The following INTU variants were observed in gnomAD, a reference collection of about 807,000 sequenced individuals.
INTU encodes inturned planar cell polarity protein, also known as protein inturned.
A neutral mutation model predicts 100.5 loss-of-function variants in INTU; 68 were observed. The observed-to-expected ratio is 0.68, with a 90% CI of 0.56 to 0.83. INTU has a LOEUF of 0.83. INTU is among the 40% of genes least tolerant of loss of function. The pLI is 0.00. For synonymous variants in INTU, 357 were observed against 395.7 expected (o/e 0.90, Z 1.16); for missense variants, 1,071 against 1,114.7 (o/e 0.96, Z 0.56).
At chr4:127,673,535 G>A (rs4315798) in intron 5 of INTU, among the ~76,000 whole-genome samples, 1,804 of 151,362 alleles carry the variant, frequency 0.012, 16 homozygotes, top group South Asian at 0.037. Flanking sequence ...CTTAATGTTA[G>A]CAAGAGAATT....
intron 3 of INTU, among the ~76,000 whole-genome samples, chr4:127,657,801 A>G (rs1456715685): frequency 1.3e-5 from 2 of 152,002 alleles, no homozygotes; most frequent in Non-Finnish European, 2.9e-5. Flanking sequence ...CACTGATTCT[A>G]CATTATGGTG....
chr4:127,707,902 G>A (rs903284456), intron 12 of INTU, among the ~76,000 whole-genome samples: 20 of 152,212 alleles, frequency 1.3e-4, no homozygotes, highest in Middle Eastern at 3.4e-3. Flanking sequence ...TGTCATTTGG[G>A]TGGATGGAGG....
At position 127,721,771 on chromosome 4, in the gene INTU, C is replaced by G. The variant is rs1390182237; in HGVS notation, c.*5335C>G. On this transcript the variant is annotated 3_prime_UTR_variant, in exon 16 of 16. Transcript: ENST00000335251. ...CACTTAGTCTATTTGGCTATGGATA[C>G]TTGTGTTTCCATTATAAAGTTCTCA... 6.6e-6 allele frequency: 1 copy of G among 152,130 alleles called. No individual in the cohort carries two copies. Among genetic ancestry groups the G allele is most frequent in the Non-Finnish European group, 1.5e-5 (1 of 68,032 alleles). The allele number at this position is 152,130 out of a possible 1,614,324, so 9.4% of individuals were successfully genotyped here. A position where few individuals can be genotyped will look rare whatever the true frequency, so the allele number is the denominator to read the frequency against.
At chr4:127,676,781 C>T (rs1039994885) in intron 6 of INTU, among the ~76,000 whole-genome samples, 2 of 152,100 alleles carry the variant, frequency 1.3e-5, no homozygotes, top group Non-Finnish European at 1.5e-5. Flanking sequence ...ATGCCTGAGC[C>T]GAAGCAGGGA....
At position 127,663,538 on chromosome 4, in the gene INTU, T is replaced by C. The variant is rs1560843852; in HGVS notation, c.926T>C (p.Ile309Thr). 1 of 1,613,408 alleles carries C rather than the reference T, an allele frequency of 6.2e-7. No individual in the cohort carries two copies. Among genetic ancestry groups the C allele is most frequent in the South Asian group, 1.1e-5 (1 of 91,046 alleles). ...QQSGLNTPHI[I>T]MYLTLQLDSE... The stretch of plus-strand genomic sequence containing the variant: ...AGTGGCCTAAACACTCCTCATATCA[T>C]TATGTATCTCACACTACAGCTCGAC... The change falls in exon 4 of 16, where the codon ATT becomes ACT. Residue 309 changes from isoleucine (I) to threonine (T), a missense_variant. Coordinates refer to ENST00000335251, the MANE Select transcript of INTU (RefSeq NM_015693.4).
chr4:127,669,183 G>GT (rs754467084), intron 5 of INTU, 29 bp downstream of exon 5: 106 of 1,082,844 alleles, frequency 9.8e-5, no homozygotes, highest in Non-Finnish European at 1.3e-4. Context: ...CTTTAATTCT[G>GT]TTTTTTTCAA....
At chr4:127,643,460 T>G in intron 1 of INTU, 61 bp from the exon 2 acceptor site, 1 of 1,397,672 alleles carries the variant, frequency 7.2e-7, no homozygotes, top group Non-Finnish European at 9.7e-7. Flanking sequence ...CATGCCAGGA[T>G]GACATACCTT....
chr4:127,653,696 C>G (rs1271633100), intron 2 of INTU, among the ~76,000 whole-genome samples: 1 of 149,792 alleles, frequency 6.7e-6, no homozygotes, highest in Non-Finnish European at 1.5e-5. Flanking sequence ...AATGTATATT[C>G]TGTTGATTTG....
chr4:127,636,676 G>C (rs1727089200), intron 1 of INTU, among the ~76,000 whole-genome samples: 1 of 150,046 alleles, frequency 6.7e-6, no homozygotes, highest in African/African-American at 2.4e-5. Flanking sequence ...GCTGGTCTGT[G>C]ATTTTTGTTC....
chr4:127,644,924 G>A (rs1389093863), intron 2 of INTU, among the ~76,000 whole-genome samples: 2 of 152,080 alleles, frequency 1.3e-5, no homozygotes, highest in Admixed American at 1.3e-4. Flanking sequence ...TGTTTTTTTA[G>A]CATCTGCTAA....
At chr4:127,691,406 A>G (rs147895450) in intron 8 of INTU, among the ~76,000 whole-genome samples, 4 of 152,216 alleles carry the variant, frequency 2.6e-5, no homozygotes, top group African/African-American at 9.6e-5. Context: ...CTGTTGTTCC[A>G]TATCCTTGTC....
At position 127,726,055 on chromosome 4, in the gene INTU, A is replaced by T. The variant is rs1285303446; in HGVS notation, c.*9619A>T. The T allele has an allele frequency of 6.6e-6, 1 of 152,188 alleles. No individual in the cohort carries two copies. Among genetic ancestry groups the T allele is most frequent in the Non-Finnish European group, 1.5e-5 (1 of 68,022 alleles). 9.4% of individuals were successfully genotyped at this position (152,188 alleles called of 1,614,324 possible). A position where few individuals can be genotyped will look rare whatever the true frequency, so the allele number is the denominator to read the frequency against. Reference sequence around the variant, plus strand: ...TTCCACCAACAACTATTAATGTGAAAAACTATATATAGCTAGCATTTTTTA... The same window carrying T: ...TTCCACCAACAACTATTAATGTGAATAACTATATATAGCTAGCATTTTTTA... On this transcript the variant is annotated 3_prime_UTR_variant, in exon 16 of 16. Coordinates refer to ENST00000335251, the MANE Select transcript of INTU (RefSeq NM_015693.4).
rs914532382 is a variant in INTU, at chr4:127,706,875, A to T, written c.2177A>T (p.Asp726Val). ...AATGGTTGTGAAGGTGGAGAAGATG[A>T]TGGCTTTAGCCCCCATACTACACCG... ...SDNGCEGGEDDGFSPHTTPDA... is the reference protein window; with the variant it reads ...SDNGCEGGEDVGFSPHTTPDA... Residue 726 changes from aspartate to valine, a missense_variant, in exon 12 of 16, where the codon GAT becomes GTT. Asp to Val is a radical substitution (Grantham distance 152, BLOSUM62 -3). Transcript: ENST00000335251. The T allele has an allele frequency of 1.9e-6, 3 of 1,614,048 alleles. No individual in the cohort carries two copies. Among genetic ancestry groups the T allele is most frequent in the Non-Finnish European group, 2.5e-6 (3 of 1,179,960 alleles).
In INTU at chr4:127,633,074, G is replaced by C; in HGVS notation, c.40G>C (p.Asp14His). The change falls in exon 1 of 16, where the codon GAC becomes CAC. Residue 14 changes from aspartate to histidine, a missense_variant. By Grantham distance (81) the Asp-to-His change is moderately conservative. Coordinates refer to ENST00000335251, the MANE Select transcript of INTU (RefSeq NM_015693.4). ...TTCGTGCGATTCGCGTCCGAGCTCA[G>C]ACGAGCTCCCTGGAGACCCCTCTTC... ...VASCDSRPSSDELPGDPSSQE... is the reference protein window; with the variant it reads ...VASCDSRPSSHELPGDPSSQE... 1 of 1,613,980 alleles carries C rather than the reference G, an allele frequency of 6.2e-7. No homozygotes were observed. The highest frequency in any genetic ancestry group is 2.2e-5 in the East Asian group (1 of 44,876).
intron 1 of INTU, among the ~76,000 whole-genome samples, chr4:127,634,170 A>G (rs1445680337): frequency 1.3e-5 from 2 of 152,236 alleles, no homozygotes; most frequent in Non-Finnish European, 2.9e-5. Flanking sequence ...AACCTGTTTA[A>G]TACATTCTTG....
At position 127,706,890 on chromosome 4, in the gene INTU, A is replaced by G. The variant is rs148361282; in HGVS notation, c.2192A>G (p.His731Arg). Reference sequence around the variant, plus strand: ...GGAGAAGATGATGGCTTTAGCCCCCATACTACACCGGATGCAGTACGGAAG... The same window carrying G: ...GGAGAAGATGATGGCTTTAGCCCCCGTACTACACCGGATGCAGTACGGAAG... Reference protein sequence around the residue: ...EGGEDDGFSPHTTPDAVRKQR... With the variant: ...EGGEDDGFSPRTTPDAVRKQR... Residue 731 changes from histidine to arginine, a missense_variant, in exon 12 of 16, where the codon CAT (histidine) becomes CGT (arginine). Transcript: ENST00000335251. 235 of 1,613,870 alleles carry G rather than the reference A, an allele frequency of 1.5e-4. 2 individuals are homozygous for G. The highest frequency in any genetic ancestry group is 9.9e-4 in the Middle Eastern group (6 of 6,080).
intron 2 of INTU, among the ~76,000 whole-genome samples, chr4:127,650,241 A>G (rs1448466350): frequency 6.6e-6 from 1 of 151,936 alleles, no homozygotes; most frequent in Non-Finnish European, 1.5e-5. Context: ...TTTTTATTAT[A>G]CTTTAAGTTT....
At position 127,696,802 on chromosome 4, in the gene INTU, A is replaced by G. The variant is rs953793805; in HGVS notation, c.1450-3208A>G. ...GATTTTAGATATTTCTTCTTTTTTA[A>G]TATATGCATTTAATGCTATAAATTT... On this transcript the variant is annotated intron_variant, in intron 8 of 15. Transcript: ENST00000335251. Among the ~76,000 whole-genome samples the G allele has an allele frequency of 2.0e-5, 3 of 151,940 alleles. No individual in the cohort carries two copies. In the South Asian group the frequency reaches 6.2e-4, roughly 32 times the overall value.
intron 14 of INTU, among the ~76,000 whole-genome samples, chr4:127,711,561 AT>A (rs1188675350): frequency 6.6e-6 from 1 of 152,214 alleles, no homozygotes; most frequent in African/African-American, 2.4e-5. Context: ...TCTGTGGCCT[AT>A]TAGGAACCAG....
Sources: allele counts gnomAD v4.1 joint callset (sites outside exome capture counted in the v4.1 genomes callset), GRCh38; gene constraint gnomAD v4.1.1; transcripts MANE v1.5; gene names NCBI Gene and HGNC (gene_info 2026-07-23, HGNC 2026-07-21).